Variants in ENOX2 observed in about 807,000 individuals in gnomAD.
ENOX2 encodes the protein ecto-NOX disulfide-thiol exchanger 2.
In ENOX2, 36 loss-of-function variants were observed where a neutral mutation model predicts 45.0. The observed-to-expected ratio is 0.80, with a 90% CI of 0.61 to 1.06. The LOEUF (loss-of-function observed/expected upper bound fraction) is 1.06, where lower values mean the gene tolerates loss of function less well. Ranked by LOEUF, ENOX2 falls within the 50% of genes least tolerant of loss-of-function variation. The pLI, the probability that ENOX2 is intolerant of heterozygous loss-of-function variation, is 0.00. For synonymous variants in ENOX2, 174 were observed against 152.3 expected, an observed-to-expected ratio of 1.14 and a Z score of -1.05; for missense variants, 423 against 462.5, an observed-to-expected ratio of 0.91 and a Z score of 0.78.
chrX:130,693,142 T>C (rs2148193058), intron 4 of ENOX2, among the ~76,000 whole-genome samples: 1 of 112,287 alleles, frequency 8.9e-6, no homozygotes, highest in East Asian at 2.8e-4. Flanking sequence ...GCAAATGTCA[T>C]TTCTGTGCAG....
At chrX:130,722,063 A>G (rs1411371076) in intron 3 of ENOX2, among the ~76,000 whole-genome samples, 1 of 111,676 alleles carries the variant, frequency 9.0e-6, no homozygotes, top group Non-Finnish European at 1.9e-5. Flanking sequence ...TGTTACTTGT[A>G]GAACTTGAAC....
At chrX:130,710,104 C>T (rs895980663) in intron 3 of ENOX2, among the ~76,000 whole-genome samples, 20 of 112,245 alleles carry the variant, frequency 1.8e-4, no homozygotes, top group Admixed American at 5.6e-4. Flanking sequence ...GCACCTCACA[C>T]TGTTCTAGGC....
chrX:130,635,138 C>T (rs771924122), intron 11 of ENOX2, 47 bp from the exon 12 acceptor site: 1 of 748,587 alleles, frequency 1.3e-6, no homozygotes, highest in Admixed American at 3.1e-5. Flanking sequence ...TACGGAGCCA[C>T]ACTTCATTTA....
intron 10 of ENOX2, among the ~76,000 whole-genome samples, chrX:130,648,554 G>T (rs142427129): frequency 8.9e-6 from 1 of 111,944 alleles, no homozygotes; most frequent in East Asian, 2.8e-4. Context: ...TGAATGGAAA[G>T]AACTTGTGCA....
chrX:130,879,702 ATATCT>A (rs2078772312), intron 2 of ENOX2, among the ~76,000 whole-genome samples: 1 of 112,004 alleles, frequency 8.9e-6, no homozygotes, highest in Non-Finnish European at 1.9e-5. Flanking sequence ...ATTTATGTAA[ATATCT>A]TAGCATAGTC....
At chrX:130,668,484 T>G (rs760420821) in intron 7 of ENOX2, among the ~76,000 whole-genome samples, 7 of 112,133 alleles carry the variant, frequency 6.2e-5, no homozygotes, top group South Asian at 7.6e-4. Context: ...CATGTAGATT[T>G]CTGCAGCTAG....
At chrX:130,638,697 G>GAC (rs1246044476) in intron 10 of ENOX2, among the ~76,000 whole-genome samples, 1 of 111,786 alleles carries the variant, frequency 8.9e-6, no homozygotes, top group South Asian at 3.8e-4. Context: ...TGGAGATACA[G>GAC]ACAGGTGAAT....
At chrX:130,898,283 C>G (rs1318668320) in intron 2 of ENOX2, among the ~76,000 whole-genome samples, 2 of 112,401 alleles carry the variant, frequency 1.8e-5, no homozygotes, top group African/African-American at 6.5e-5. Flanking sequence ...GCTGGGATTA[C>G]AGGTGTTAAG....
intron 3 of ENOX2, among the ~76,000 whole-genome samples, chrX:130,718,032 G>A (rs181847304): frequency 3.6e-4 from 40 of 110,421 alleles, no homozygotes; most frequent in African/African-American, 1.2e-3. Context: ...CTGCCCCACC[G>A]TTTCCCTCTC....
chrX:130,759,903 G>A (rs2039442794), intron 3 of ENOX2, among the ~76,000 whole-genome samples: 1 of 110,754 alleles, frequency 9.0e-6, no homozygotes, highest in South Asian at 3.8e-4. Flanking sequence ...CATGAGTACC[G>A]ACATATTTAC....
In ENOX2 at chrX:130,803,532, G is replaced by C. The variant is rs1336655766; in HGVS notation, c.-182-19842C>G. ...CTGTACTTTACAAATAAGCCAGAAAGTGACATATGTGGCTTAATTACCAAC... is the reference window on the plus strand; with the variant it reads ...CTGTACTTTACAAATAAGCCAGAAACTGACATATGTGGCTTAATTACCAAC... On this transcript the variant is annotated intron_variant, in intron 2 of 14. Coordinates refer to ENST00000394363, the MANE Select transcript of ENOX2 (RefSeq NM_006375.4). Among the ~76,000 whole-genome samples, 5 of 112,056 alleles carry C rather than the reference G, an allele frequency of 4.5e-5. No homozygotes were observed. The Admixed American group carries it at 4.7e-4, about 11-fold the overall frequency.
intron 3 of ENOX2, among the ~76,000 whole-genome samples, chrX:130,725,196 T>G (rs758649119): frequency 2.7e-4 from 30 of 110,329 alleles, no homozygotes; most frequent in African/African-American, 9.5e-4. Context: ...GTTAAACATG[T>G]TTTTTTTCTT....
At chrX:130,642,863 C>T (rs1433740272) in intron 10 of ENOX2, among the ~76,000 whole-genome samples, 1 of 112,266 alleles carries the variant, frequency 8.9e-6, no homozygotes, top group African/African-American at 3.2e-5. Flanking sequence ...ATAATGTAGA[C>T]TTAACTTTTA....
At chrX:130,744,265 A>T (rs1024301838) in intron 3 of ENOX2, among the ~76,000 whole-genome samples, 1 of 112,346 alleles carries the variant, frequency 8.9e-6, no homozygotes, top group African/African-American at 3.2e-5. Context: ...CCTGTCTGAT[A>T]TAAGACTCAG....
chrX:130,786,450 T>A (rs1248002528), intron 2 of ENOX2, among the ~76,000 whole-genome samples: 1 of 104,999 alleles, frequency 9.5e-6, no homozygotes, highest in African/African-American at 3.5e-5. Context: ...ATGTGCACAT[T>A]GTGCAGGTTA....
intron 2 of ENOX2, among the ~76,000 whole-genome samples, chrX:130,853,463 CAA>C (rs754949787): frequency 7.1e-5 from 2 of 27,974 alleles, no homozygotes; most frequent in African/African-American, 2.5e-4. Flanking sequence ...GACTCCGTCT[CAA>C]AAAAAAAAAA....
At chrX:130,800,563 CT>C (rs755251129) in intron 2 of ENOX2, among the ~76,000 whole-genome samples, 2 of 110,273 alleles carry the variant, frequency 1.8e-5, no homozygotes, top group Admixed American at 9.7e-5. Context: ...TACAAAATGT[CT>C]TTTTTTTTAA....
At chrX:130,767,274 G>A (rs772824345) in intron 3 of ENOX2, among the ~76,000 whole-genome samples, 11 of 111,512 alleles carry the variant, frequency 9.9e-5, no homozygotes, top group Admixed American at 2.9e-4. Flanking sequence ...AATGCTACAC[G>A]AGAGCAGGAA....
intron 2 of ENOX2, among the ~76,000 whole-genome samples, chrX:130,828,036 T>C (rs1017964905): frequency 8.9e-6 from 1 of 112,493 alleles, no homozygotes; most frequent in African/African-American, 3.2e-5. Flanking sequence ...TGAGAAGTGA[T>C]GTGAACCTGC....
Sources: allele counts gnomAD v4.1 joint callset (sites outside exome capture counted in the v4.1 genomes callset), GRCh38; gene constraint gnomAD v4.1.1; transcripts MANE v1.5; gene names NCBI Gene and HGNC (gene_info 2026-07-23, HGNC 2026-07-21).